The following CCDC91 variants were observed in gnomAD, a reference collection of about 807,000 sequenced individuals.
CCDC91 encodes the protein coiled-coil domain-containing protein 91.
CCDC91 carries 48 observed loss-of-function variants against 63.2 expected under a neutral mutation model. That is an observed-to-expected ratio of 0.76 (90% CI 0.60 to 0.97). The LOEUF (loss-of-function observed/expected upper bound fraction) is 0.97. Among genes scored for constraint, CCDC91 ranks in the 50% least tolerant of loss-of-function variants. CCDC91 has a pLI of 0.00. For missense variants in CCDC91, 500 were observed against 494.6 expected (o/e 1.01, Z -0.10); for synonymous variants, 167 against 165.8 (o/e 1.01, Z -0.06).
At chr12:28,293,956 C>CATGTTAA (rs1010819764) in intron 3 of CCDC91, among the ~76,000 whole-genome samples, 15 of 151,956 alleles carry the variant, frequency 9.9e-5, no homozygotes, top group African/African-American at 3.4e-4. Flanking sequence ...AACACACACA[C>CATGTTAA]GCCCAAAATC....
At chr12:28,279,947 A>G (rs943576042) in intron 3 of CCDC91, among the ~76,000 whole-genome samples, 4 of 152,158 alleles carry the variant, frequency 2.6e-5, no homozygotes, top group African/African-American at 9.7e-5. Flanking sequence ...ATATGATAAC[A>G]TCATATCTAC....
intron 8 of CCDC91, among the ~76,000 whole-genome samples, chr12:28,448,127 C>T (rs1480623447): frequency 3.3e-5 from 5 of 151,796 alleles, no homozygotes; most frequent in Admixed American, 6.6e-5. Flanking sequence ...TTACTACTAC[C>T]GATAATGATT....
chr12:28,270,806 A>G (rs1947718263), intron 3 of CCDC91, among the ~76,000 whole-genome samples: 2 of 152,040 alleles, frequency 1.3e-5, no homozygotes, highest in African/African-American at 4.8e-5. Flanking sequence ...ATTGGTTATG[A>G]TCCTGCTTGA....
At chr12:28,461,926 T>C (rs1011445257) in intron 11 of CCDC91, among the ~76,000 whole-genome samples, 3 of 152,116 alleles carry the variant, frequency 2.0e-5, no homozygotes, top group East Asian at 1.9e-4. Flanking sequence ...TTTTCACATC[T>C]AACATAGTGC....
chr12:28,375,284 T>C (rs947789634), intron 7 of CCDC91, among the ~76,000 whole-genome samples: 1 of 152,022 alleles, frequency 6.6e-6, no homozygotes, highest in Non-Finnish European at 1.5e-5. Flanking sequence ...ATTATCATTA[T>C]CATTTCTATA....
intron 8 of CCDC91, among the ~76,000 whole-genome samples, chr12:28,418,956 A>G (rs1395161368): frequency 6.6e-6 from 1 of 152,302 alleles, no homozygotes; most frequent in East Asian, 1.9e-4. Context: ...ATTAATTATA[A>G]TGTTTAATGA....
chr12:28,462,456 G>GA (rs1950353077), intron 11 of CCDC91, among the ~76,000 whole-genome samples: 1 of 151,814 alleles, frequency 6.6e-6, no homozygotes, highest in East Asian at 1.9e-4. Flanking sequence ...GTAGGAGCAT[G>GA]AAAAAAATTA....
chr12:28,499,394 A>C lies in CCDC91; in HGVS notation c.1215+15229A>C, dbSNP rs143294795. Among the ~76,000 whole-genome samples, 874 of 151,922 alleles carry C rather than the reference A, an allele frequency of 5.8e-3. 7 individuals carry two copies. The highest frequency in any genetic ancestry group is 0.015 in the South Asian group (73 of 4,814). On this transcript the variant is annotated intron_variant, in intron 12 of 12. Transcript: ENST00000536442. ...TATTATACTTTAAGTTCTGGGGTAC[A>C]TGTGCAGAATGTGCAGGTTTGTTTC...
In CCDC91 at chr12:28,316,909, C is replaced by T. The variant is rs184445331; in HGVS notation, c.576+9160C>T. ...TTTCCCAGCAATTTGTCCTCAGTGTCGGGCTTTATCTGGAAAGTATTTAGA... is the reference window on the plus strand; with the variant it reads ...TTTCCCAGCAATTTGTCCTCAGTGTTGGGCTTTATCTGGAAAGTATTTAGA... On this transcript the variant is annotated intron_variant, in intron 6 of 12. Coordinates refer to ENST00000536442, the MANE Select transcript of CCDC91 (RefSeq NM_018318.5). Among the ~76,000 whole-genome samples the T allele has an allele frequency of 5.3e-5, 8 of 151,900 alleles. No individual in the cohort carries two copies. In the East Asian group the frequency reaches 1.4e-3, roughly 26 times the overall value.
chr12:28,322,763 ATTAAC>A (rs1157708519), intron 6 of CCDC91, among the ~76,000 whole-genome samples: 2 of 151,764 alleles, frequency 1.3e-5, no homozygotes, highest in Non-Finnish European at 2.9e-5. Context: ...GACAGATAGT[ATTAAC>A]TTGTCTTCCA....
chr12:28,247,154 T>C (rs1227715657), intron 1 of CCDC91, among the ~76,000 whole-genome samples: 1 of 152,160 alleles, frequency 6.6e-6, no homozygotes, highest in East Asian at 1.9e-4. Flanking sequence ...TAGAAGCAAC[T>C]AGGTTACAAA....
At chr12:28,291,100 A>T (rs1231741345) in intron 3 of CCDC91, among the ~76,000 whole-genome samples, 1 of 152,184 alleles carries the variant, frequency 6.6e-6, no homozygotes, top group Non-Finnish European at 1.5e-5. Flanking sequence ...TTATTAAGCA[A>T]ATTAGGAAGC....
chr12:28,477,513 C>T (rs1299409076), intron 11 of CCDC91, among the ~76,000 whole-genome samples: 17 of 152,054 alleles, frequency 1.1e-4, no homozygotes, highest in Admixed American at 2.6e-4. Context: ...CAATATCATA[C>T]GGAATGGGCA....
chr12:28,533,798 G>T (rs1941935559), intron 12 of CCDC91, among the ~76,000 whole-genome samples: 1 of 151,070 alleles, frequency 6.6e-6, no homozygotes, highest in African/African-American at 2.4e-5. Flanking sequence ...TCGTTTTGCT[G>T]CAATTTTTTT....
chr12:28,230,137 C>A (rs1944498020), intron 1 of CCDC91, among the ~76,000 whole-genome samples: 1 of 152,036 alleles, frequency 6.6e-6, no homozygotes, highest in African/African-American at 2.4e-5. Flanking sequence ...CTTTCCATTC[C>A]CTTAATGTCC....
intron 1 of CCDC91, among the ~76,000 whole-genome samples, chr12:28,217,155 A>G (rs1943616085): frequency 6.6e-6 from 1 of 152,176 alleles, no homozygotes; most frequent in Non-Finnish European, 1.5e-5. Context: ...ATATGCAAAA[A>G]TGAGCAAGAT....
chr12:28,492,330 TTAA>T (rs1382581819), intron 12 of CCDC91, among the ~76,000 whole-genome samples: 1 of 151,854 alleles, frequency 6.6e-6, no homozygotes, highest in Admixed American at 6.6e-5. Flanking sequence ...CCTAGTATTC[TTAA>T]TAATGATACA....
chr12:28,445,807 G>A (rs1469984763), intron 8 of CCDC91, among the ~76,000 whole-genome samples: 1 of 152,148 alleles, frequency 6.6e-6, no homozygotes, highest in Non-Finnish European at 1.5e-5. Flanking sequence ...CACACAGAGA[G>A]AATACGCGAG....
chr12:28,197,832 G>A (rs1055213875), intron 1 of CCDC91, among the ~76,000 whole-genome samples: 8 of 151,984 alleles, frequency 5.3e-5, no homozygotes, highest in African/African-American at 1.9e-4. Context: ...TCTAAGTGGC[G>A]TAAAGATTAT....
Sources: gnomAD v4.1 joint callset for allele counts (sites outside exome capture counted in the v4.1 genomes callset) on GRCh38, gnomAD v4.1.1 for gene constraint, MANE v1.5 for transcripts, NCBI Gene and HGNC (gene_info 2026-07-23, HGNC 2026-07-21) for gene names.